Variants in CNDP1 observed in about 807,000 individuals in gnomAD.
CNDP1 encodes beta-Ala-His dipeptidase.
Under a neutral mutation model 58.1 loss-of-function variants are expected in CNDP1, and 44 were observed. That is an observed-to-expected ratio of 0.76 (90% CI 0.60 to 0.97). The LOEUF (loss-of-function observed/expected upper bound fraction) is 0.97. Ranked by LOEUF, CNDP1 falls within the 50% of genes least tolerant of loss-of-function variation. The probability of loss-of-function intolerance (pLI) is 0.00; values close to 1 mark genes in which losing one functional copy is unlikely to be tolerated. For missense variants in CNDP1, 616 were observed against 655.1 expected, an observed-to-expected ratio of 0.94 and a Z score of 0.65; for synonymous variants, 254 against 252.6, an observed-to-expected ratio of 1.01 and a Z score of -0.05.
At chr18:74,571,679 G>A (rs1169915023) in intron 7 of CNDP1, among the ~76,000 whole-genome samples, 1 of 152,162 alleles carries the variant, frequency 6.6e-6, no homozygotes, top group Non-Finnish European at 1.5e-5. Context: ...ATGACTTTTT[G>A]ACTGAAGATA....
intron 1 of CNDP1, among the ~76,000 whole-genome samples, chr18:74,544,348 T>G (rs1980703027): frequency 1.3e-5 from 2 of 152,136 alleles, no homozygotes; most frequent in South Asian, 4.1e-4. Context: ...AGAAACAAAG[T>G]CCTGGCCCCC....
intron 1 of CNDP1, among the ~76,000 whole-genome samples, chr18:74,542,342 A>G (rs1459785070): frequency 1.3e-5 from 2 of 152,198 alleles, no homozygotes; most frequent in Admixed American, 1.3e-4. Flanking sequence ...GGTGCACTGA[A>G]CAGAGCTTGT....
chr18:74,573,452 GTATC>G (rs1171454745), intron 7 of CNDP1, among the ~76,000 whole-genome samples: 6 of 99,862 alleles, frequency 6.0e-5, no homozygotes, highest in African/African-American at 1.2e-4. Flanking sequence ...ATGTATCTAT[GTATC>G]TATCTATCTA....
chr18:74,575,526 G>A (rs993710359), intron 7 of CNDP1, among the ~76,000 whole-genome samples: 5 of 152,014 alleles, frequency 3.3e-5, no homozygotes, highest in Admixed American at 1.3e-4. Context: ...GAGAGTGGGC[G>A]GTATTTACTA....
At chr18:74,584,117 T>C (rs1981855900) in intron 11 of CNDP1, 1 of 314,556 alleles carries the variant, frequency 3.2e-6, no homozygotes, top group Non-Finnish European at 6.0e-6. Flanking sequence ...AACACAAATA[T>C]TTAGTGCATA....
chr18:74,567,023 CCT>C, intron 5 of CNDP1: 1 of 566,358 alleles, frequency 1.8e-6, no homozygotes, highest in Admixed American at 3.0e-5. Flanking sequence ...GAAGCAAACC[CCT>C]GATAAACCCA....
intron 1 of CNDP1, among the ~76,000 whole-genome samples, chr18:74,552,528 C>A (rs1980936659): frequency 6.6e-6 from 1 of 152,204 alleles, no homozygotes; most frequent in Non-Finnish European, 1.5e-5. Flanking sequence ...GCCGTTGTGT[C>A]TGGTTTATTT....
At chr18:74,556,777 C>T (rs935399340) in intron 2 of CNDP1, among the ~76,000 whole-genome samples, 1 of 152,186 alleles carries the variant, frequency 6.6e-6, no homozygotes, top group Non-Finnish European at 1.5e-5. Context: ...GTCGCCCATT[C>T]CTAATGCCAC....
At chr18:74,537,281 G>C (rs550514983) in intron 1 of CNDP1, among the ~76,000 whole-genome samples, 1 of 152,264 alleles carries the variant, frequency 6.6e-6, no homozygotes, top group South Asian at 2.1e-4. Flanking sequence ...TTATGTTTAA[G>C]TCCTTAATCC....
chr18:74,569,263 A>G (rs1568298057), intron 6 of CNDP1, among the ~76,000 whole-genome samples: 1 of 152,174 alleles, frequency 6.6e-6, no homozygotes, highest in Non-Finnish European at 1.5e-5. Context: ...CTGGTGCCAC[A>G]TTGAAGATGA....
At chr18:74,534,800 C>T in intron 1 of CNDP1, 109 bp downstream of exon 1, 2 of 1,181,960 alleles carry the variant, frequency 1.7e-6, no homozygotes, top group Middle Eastern at 2.2e-4. Flanking sequence ...CCCAGCGTGG[C>T]CCCAGATGCT....
At chr18:74,565,823 T>C (rs1981313933) in intron 5 of CNDP1, among the ~76,000 whole-genome samples, 1 of 152,152 alleles carries the variant, frequency 6.6e-6, no homozygotes, top group South Asian at 2.1e-4. Context: ...TTCTCACAGC[T>C]CCACTAGGGA....
At chr18:74,536,789 A>C (rs1165004168) in intron 1 of CNDP1, among the ~76,000 whole-genome samples, 1 of 152,234 alleles carries the variant, frequency 6.6e-6, no homozygotes, top group African/African-American at 2.4e-5. Flanking sequence ...TTTTCTCTGC[A>C]ACCTCACTTG....
At chr18:74,584,114 A>ATGTT (rs34799288) in intron 11 of CNDP1, 189,488 of 296,800 alleles carry the variant, frequency 0.64, 61,901 homozygotes, top group South Asian at 0.72. Context: ...GGAAACACAA[A>ATGTT]TATTTAGTGC....
chr18:74,583,945 T>C (rs8087111), intron 11 of CNDP1: 497,114 of 499,228 alleles, frequency 1, 247,539 homozygotes, highest in East Asian at 1. Context: ...CCTGCGATGG[T>C]GGGGTTAGGT....
rs765734751 is a variant in CNDP1, at chr18:74,560,929, C to T, written c.377C>T (p.Thr126Ile). 10 of 1,614,034 alleles carry T rather than the reference C, an allele frequency of 6.2e-6. No homozygotes were observed. In the Admixed American group the frequency reaches 8.3e-5, roughly 13 times the overall value. Residue 126 changes from threonine to isoleucine, a missense_variant, in exon 4 of 12, where the codon ACC becomes ATC. By Grantham distance (89) the Thr-to-Ile change is moderately conservative. Coordinates refer to ENST00000358821, the MANE Select transcript of CNDP1 (RefSeq NM_032649.6). ...CTGGGGAGCGATCCCACGAAAGGCA[C>T]CGTGTGCTTCTACGGCCACTTGGAC... ...AELGSDPTKG[T>I]VCFYGHLDVQ... is the part of the protein sequence containing the mutation.
intron 7 of CNDP1, among the ~76,000 whole-genome samples, chr18:74,574,074 A>C (rs182529834): frequency 1.7e-4 from 26 of 152,326 alleles, no homozygotes; most frequent in Admixed American, 8.5e-4. Flanking sequence ...GGGACCCCTG[A>C]TGTCAGGTGA....
Position 74,567,276 on chromosome 18 carries a change from A to G in CNDP1, c.599A>G (p.Glu200Gly). The change falls in exon 6 of 12, where the codon GAG becomes GGG. Residue 200 changes from glutamate (E) to glycine (G), a missense_variant. Physicochemically the swap from Glu to Gly is moderately conservative, Grantham distance 98. Coordinates refer to ENST00000358821, the MANE Select transcript of CNDP1 (RefSeq NM_032649.6). The stretch of plus-strand genomic sequence containing the variant: ...AAATTCATCATTGAGGGGATGGAAG[A>G]GGCTGGCTCTGTTGCCCTGGAGGAA... The part of the protein sequence containing the change: ...NIKFIIEGME[E>G]AGSVALEELV... 1 of 1,614,232 alleles carries G rather than the reference A, an allele frequency of 6.2e-7. No homozygotes were observed. Among genetic ancestry groups the G allele is most frequent in the Non-Finnish European group, 8.5e-7 (1 of 1,180,032 alleles).
rs567172590 is a variant in CNDP1, at chr18:74,547,923, C to G, written c.25-8415C>G. Among the ~76,000 whole-genome samples, 4 of 152,252 alleles carry G rather than the reference C, an allele frequency of 2.6e-5. No homozygotes were observed. In the East Asian group the frequency reaches 7.8e-4, roughly 30 times the overall value. The stretch of plus-strand genomic sequence containing the variant: ...TCCAAATCTAAAAATCTAAGAATAA[C>G]CACCTGGAATAAACACAGGCCTATG... On this transcript the variant is annotated intron_variant, in intron 1 of 11. Transcript: ENST00000358821.
Sources: gnomAD v4.1 joint callset for allele counts (sites outside exome capture counted in the v4.1 genomes callset) on GRCh38, gnomAD v4.1.1 for gene constraint, MANE v1.5 for transcripts, NCBI Gene and HGNC (gene_info 2026-07-23, HGNC 2026-07-21) for gene names.